Variants in RYR3 observed in about 807,000 individuals in gnomAD.
RYR3 encodes brain ryanodine receptor-calcium release channel.
A neutral mutation model predicts 584.3 loss-of-function variants in RYR3; 207 were observed. The ratio of observed to expected loss-of-function variants is 0.35; its 90% CI spans 0.32 to 0.40. RYR3 has a LOEUF of 0.40. RYR3 is among the 10% of genes least tolerant of loss of function. The probability of loss-of-function intolerance (pLI) is 1.00; values close to 1 mark genes in which losing one functional copy is unlikely to be tolerated. For missense variants in RYR3, 5,616 were observed against 6,089.2 expected (o/e 0.92, Z 2.59); for synonymous variants, 2,416 against 2,248.5 (o/e 1.07, Z -2.11).
chr15:33,444,251 C>T (rs1596166074), intron 1 of RYR3, among the ~76,000 whole-genome samples: 1 of 152,126 alleles, frequency 6.6e-6, no homozygotes, highest in East Asian at 1.9e-4. Context: ...GAGCAAAAAG[C>T]TTGTTAGAAC....
chr15:33,769,235 C>G, intron 62 of RYR3, 63 bp downstream of exon 62: 3 of 1,169,128 alleles, frequency 2.6e-6, no homozygotes, highest in Non-Finnish European at 3.9e-6. Flanking sequence ...TCTCATCTCA[C>G]TAATTATACT....
At chr15:33,342,551 C>A (rs1971952150) in intron 1 of RYR3, among the ~76,000 whole-genome samples, 1 of 152,134 alleles carries the variant, frequency 6.6e-6, no homozygotes. Context: ...TTTTAAGAAT[C>A]ATTTTCAAGG....
At chr15:33,477,190 C>T (rs1316140139) in intron 2 of RYR3, among the ~76,000 whole-genome samples, 1 of 151,974 alleles carries the variant, frequency 6.6e-6, no homozygotes, top group East Asian at 1.9e-4. Flanking sequence ...TTGGGCATTT[C>T]TAGTCAAGGG....
intron 43 of RYR3, among the ~76,000 whole-genome samples, chr15:33,722,241 A>G (rs1857600612): frequency 1.3e-5 from 2 of 152,206 alleles, no homozygotes; most frequent in African/African-American, 4.8e-5. Flanking sequence ...ATCAAGATGT[A>G]AAGTCCTTCT....
At chr15:33,592,001 T>G (rs766801318) in intron 16 of RYR3, among the ~76,000 whole-genome samples, 1 of 152,166 alleles carries the variant, frequency 6.6e-6, no homozygotes, top group Non-Finnish European at 1.5e-5. Flanking sequence ...TATAAGCTTG[T>G]GTTTGGGATA....
chr15:33,854,690 A>C (rs1365868801), intron 97 of RYR3, 76 bp from the exon 98 acceptor site: 22 of 1,527,096 alleles, frequency 1.4e-5, no homozygotes, highest in Non-Finnish European at 1.8e-5. Flanking sequence ...GTGTCTCCCA[A>C]AATAAGAAAA....
intron 1 of RYR3, among the ~76,000 whole-genome samples, chr15:33,407,017 G>A (rs560712756): frequency 4.6e-5 from 7 of 152,348 alleles, no homozygotes; most frequent in African/African-American, 1.7e-4. Context: ...GGTATCTGGT[G>A]AAGATTGCTC....
chr15:33,334,473 A>T lies in RYR3; in HGVS notation c.51+23377A>T, dbSNP rs143285469. Among the ~76,000 whole-genome samples, 901 of 152,340 alleles carry T rather than the reference A, an allele frequency of 5.9e-3. 7 individuals carry two copies. Among genetic ancestry groups the T allele is most frequent in the African/African-American group, 0.021 (858 of 41,570 alleles). ...ATAAATGATGCTGGGATAACTAGCT[A>T]GTCATATGCAGAAAATTGAACCTGG... On this transcript the variant is annotated intron_variant, in intron 1 of 103. Transcript: ENST00000634891.
intron 28 of RYR3, 87 bp from the exon 29 acceptor site, chr15:33,646,264 G>T (rs934507587): frequency 1.1e-5 from 13 of 1,172,444 alleles, no homozygotes. Flanking sequence ...AGAATGCCTT[G>T]CCATGTGCAT....
intron 67 of RYR3, among the ~76,000 whole-genome samples, chr15:33,793,575 A>G (rs1366424285): frequency 6.6e-6 from 1 of 152,146 alleles, no homozygotes; most frequent in Non-Finnish European, 1.5e-5. Context: ...AAATTCCACA[A>G]GTTCTAGTAG....
intron 69 of RYR3, among the ~76,000 whole-genome samples, chr15:33,802,956 C>T (rs1040828726): frequency 6.6e-6 from 1 of 152,174 alleles, no homozygotes; most frequent in East Asian, 1.9e-4. Context: ...AGCCCTTGGG[C>T]ATCTTTCCAA....
Position 33,632,936 on chromosome 15 carries a change from C to A in RYR3, c.2868-13C>A. On this transcript the variant is annotated splice_polypyrimidine_tract_variant and intron_variant, in intron 23 of 103. Coordinates refer to ENST00000634891, the MANE Select transcript of RYR3 (RefSeq NM_001036.6). Reference sequence around the variant, plus strand: ...GATCTGTTAAAAATGTATACTTTTACATTTACTTGTAGCTATATGATGTCC... The same window carrying A: ...GATCTGTTAAAAATGTATACTTTTAAATTTACTTGTAGCTATATGATGTCC... 6.2e-7 allele frequency: 1 copy of A among 1,601,746 alleles called. No homozygotes were observed.
chr15:33,387,388 A>G (rs1248033808), intron 1 of RYR3, among the ~76,000 whole-genome samples: 3 of 151,922 alleles, frequency 2.0e-5, no homozygotes, highest in Admixed American at 6.6e-5. Context: ...TCTATTTTTC[A>G]TTTTTTTGGG....
chr15:33,665,117 G>A (rs2063423193), intron 36 of RYR3, among the ~76,000 whole-genome samples: 1 of 152,144 alleles, frequency 6.6e-6, no homozygotes, highest in Admixed American at 6.5e-5. Flanking sequence ...CAATAGATCT[G>A]CATATTCCCT....
chr15:33,554,891 A>G (rs544860030), intron 10 of RYR3, among the ~76,000 whole-genome samples: 107 of 152,282 alleles, frequency 7.0e-4, no homozygotes, highest in African/African-American at 2.6e-3. Context: ...GGGAAGGGTG[A>G]ATTAATAATG....
chr15:33,468,773 T>C (rs2048686674), intron 1 of RYR3, among the ~76,000 whole-genome samples: 1 of 152,214 alleles, frequency 6.6e-6, no homozygotes, highest in Admixed American at 6.5e-5. Context: ...GTGAGTATCA[T>C]GATAGGCAGA....
At chr15:33,790,228 C>T (rs974752283) in intron 67 of RYR3, among the ~76,000 whole-genome samples, 4 of 150,934 alleles carry the variant, frequency 2.7e-5, no homozygotes, top group East Asian at 2.0e-4. Context: ...CTCCTGACCT[C>T]GTGATCCACC....
chr15:33,352,743 G>T (rs1011417812), intron 1 of RYR3, among the ~76,000 whole-genome samples: 6 of 152,154 alleles, frequency 3.9e-5, no homozygotes, highest in African/African-American at 1.4e-4. Flanking sequence ...TGAGTTTCAA[G>T]GTTGACTACT....
At chr15:33,842,365 A>G (rs1481940231) in intron 91 of RYR3, among the ~76,000 whole-genome samples, 1 of 152,240 alleles carries the variant, frequency 6.6e-6, no homozygotes, top group Non-Finnish European at 1.5e-5. Flanking sequence ...ATCCTGGTCC[A>G]AAAGTTCAGA....
Sources: allele counts gnomAD v4.1 joint callset (sites outside exome capture counted in the v4.1 genomes callset), GRCh38; gene constraint gnomAD v4.1.1; transcripts MANE v1.5; gene names NCBI Gene and HGNC (gene_info 2026-07-23, HGNC 2026-07-21).